MARCHF6: variants seen among roughly 807,000 people sequenced by gnomAD.
MARCHF6 encodes the protein membrane associated ring-CH-type finger 6.
A neutral mutation model predicts 133.7 loss-of-function variants in MARCHF6; 31 were observed. The ratio of observed to expected loss-of-function variants is 0.23; its 90% CI spans 0.17 to 0.31. The LOEUF (loss-of-function observed/expected upper bound fraction) is 0.31. MARCHF6 is among the 10% of genes least tolerant of loss of function. The pLI is 1.00. For missense variants in MARCHF6, 723 were observed against 1,121.6 expected (o/e 0.64, Z 5.08); for synonymous variants, 395 against 402.5 (o/e 0.98, Z 0.22).
At chr5:10,355,831 G>A (rs1035217437) in intron 1 of MARCHF6, among the ~76,000 whole-genome samples, 2 of 152,158 alleles carry the variant, frequency 1.3e-5, no homozygotes, top group Non-Finnish European at 2.9e-5. Flanking sequence ...TGTCAGAGTC[G>A]CACTTAAATT....
intron 4 of MARCHF6, among the ~76,000 whole-genome samples, chr5:10,385,107 T>C (rs1486292328): frequency 6.6e-6 from 1 of 152,230 alleles, no homozygotes; most frequent in African/African-American, 2.4e-5. Context: ...TATGATTGCA[T>C]GTGTGTGAAA....
intron 2 of MARCHF6, 135 bp downstream of exon 2, chr5:10,378,029 A>G (rs1199196160): frequency 2.8e-5 from 16 of 564,828 alleles, no homozygotes. Flanking sequence ...AGCACAGGAA[A>G]CTGAAAAAGC....
rs918318956 is a variant in MARCHF6 at position 10,436,626 on chromosome 5, A to G, written c.*2942A>G. On this transcript the variant is annotated 3_prime_UTR_variant, in exon 26 of 26. Coordinates refer to ENST00000274140, the MANE Select transcript of MARCHF6 (RefSeq NM_005885.4). ...AATCAGCATTTGGTGATAGTTTTACATGACCAGTTATCAAACGGTCATAGT... is the reference window on the plus strand; with the variant it reads ...AATCAGCATTTGGTGATAGTTTTACGTGACCAGTTATCAAACGGTCATAGT... 1 of 152,240 alleles carries G rather than the reference A, an allele frequency of 6.6e-6. No individual in the cohort carries two copies. Among genetic ancestry groups the G allele is most frequent in the Non-Finnish European group, 1.5e-5 (1 of 68,042 alleles). 9.4% of individuals were successfully genotyped at this position (152,240 alleles called of 1,614,324 possible).
chr5:10,364,281 G>A (rs923892516), intron 1 of MARCHF6, among the ~76,000 whole-genome samples: 1 of 152,160 alleles, frequency 6.6e-6, no homozygotes, highest in Non-Finnish European at 1.5e-5. Flanking sequence ...GGAGCAGAAA[G>A]CAACCTTCCG....
Position 10,400,797 on chromosome 5 carries a change from C to T in MARCHF6, c.927C>T (p.Tyr309=), listed in dbSNP as rs1488365096. The change falls in exon 11 of 26, where the codon TAC becomes TAT. Residue 309 remains tyrosine (Y), a synonymous_variant. Transcript: ENST00000274140. ...LFILVFAFCP[Y]HIGHFSLVGL... ...CCCCCTTTTTAGCATTTTGCCCTTA[C>T]CATATTGGTCATTTCTCCCTTGTTG... 3.1e-6 allele frequency: 5 copies of T among 1,612,476 alleles called. No homozygotes were observed. Among genetic ancestry groups the T allele is most frequent in the African/African-American group, 2.7e-5 (2 of 74,822 alleles).
At chr5:10,355,594 T>C (rs901083989) in intron 1 of MARCHF6, among the ~76,000 whole-genome samples, 1 of 152,132 alleles carries the variant, frequency 6.6e-6, no homozygotes, top group African/African-American at 2.4e-5. Flanking sequence ...ATACATAACA[T>C]TTATTTATTG....
intron 4 of MARCHF6, among the ~76,000 whole-genome samples, chr5:10,383,765 G>C (rs1404627360): frequency 3.9e-5 from 6 of 152,194 alleles, no homozygotes; most frequent in Non-Finnish European, 8.8e-5. Flanking sequence ...ATATAGCTAA[G>C]TCTCAATTGT....
chr5:10,366,748 C>G (rs554325179), intron 1 of MARCHF6, among the ~76,000 whole-genome samples: 4 of 152,118 alleles, frequency 2.6e-5, no homozygotes, highest in African/African-American at 9.7e-5. Flanking sequence ...CTTAATTGAT[C>G]ACACGTTCAT....
At chr5:10,382,514 T>C (rs1737212615) in intron 4 of MARCHF6, among the ~76,000 whole-genome samples, 1 of 149,366 alleles carries the variant, frequency 6.7e-6, no homozygotes, top group South Asian at 2.1e-4. Flanking sequence ...CTTTTGGGAT[T>C]CTGCAACCCT....
At chr5:10,416,966 A>G (rs1311429879) in intron 21 of MARCHF6, among the ~76,000 whole-genome samples, 2 of 152,226 alleles carry the variant, frequency 1.3e-5, no homozygotes, top group Middle Eastern at 6.3e-3. Context: ...TTCACAGATC[A>G]GCCTGTGTAT....
In MARCHF6 at chr5:10,433,752, A is replaced by AT. The variant is rs752723806; in HGVS notation, c.*73dup. On this transcript the variant is annotated 3_prime_UTR_variant, in exon 26 of 26. Coordinates refer to ENST00000274140, the MANE Select transcript of MARCHF6 (RefSeq NM_005885.4). Reference sequence around the variant, plus strand: ...TTTTTGTGGACTTCTCTCTTTGGAGATTTTTCCCAGTGATCTCTCAGCGTT... The same window carrying AT: ...TTTTTGTGGACTTCTCTCTTTGGAGATTTTTTCCCAGTGATCTCTCAGCGTT... The AT allele has an allele frequency of 1.5e-5, 20 of 1,315,792 alleles. No homozygotes were observed. The highest frequency in any genetic ancestry group is 2.3e-5 in the East Asian group (1 of 43,324). 81.5% of individuals were successfully genotyped at this position (1,315,792 alleles called of 1,614,324 possible). A position where few individuals can be genotyped will look rare whatever the true frequency, so the allele number is the denominator to read the frequency against.
intron 9 of MARCHF6, among the ~76,000 whole-genome samples, chr5:10,396,249 A>G (rs1738183065): frequency 6.6e-6 from 1 of 152,162 alleles, no homozygotes; most frequent in African/African-American, 2.4e-5. Flanking sequence ...TAAACAAGGA[A>G]TGTTTTGGAG....
At chr5:10,377,678 A>AAT in intron 1 of MARCHF6, 120 bp from the exon 2 acceptor site, 1 of 624,162 alleles carries the variant, frequency 1.6e-6, no homozygotes, top group East Asian at 2.7e-5. Context: ...CCGTACTATT[A>AAT]ATGTTTTGTC....
intron 23 of MARCHF6, among the ~76,000 whole-genome samples, chr5:10,424,738 T>C (rs1739995875): frequency 6.6e-6 from 1 of 152,140 alleles, no homozygotes; most frequent in Non-Finnish European, 1.5e-5. Context: ...AGGTTATTGC[T>C]CGAGGTAATA....
At chr5:10,393,416 C>T (rs1737990703) in intron 7 of MARCHF6, among the ~76,000 whole-genome samples, 1 of 152,050 alleles carries the variant, frequency 6.6e-6, no homozygotes, top group South Asian at 2.1e-4. Context: ...GCTCAGAGTA[C>T]CTGGTATTTG....
chr5:10,428,356 T>TTTA (rs1184691709), intron 24 of MARCHF6, among the ~76,000 whole-genome samples: 1 of 137,550 alleles, frequency 7.3e-6, no homozygotes, highest in Non-Finnish European at 1.6e-5. Flanking sequence ...TTTTTTTTTT[T>TTTA]TGAGAGACGG....
intron 12 of MARCHF6, 95 bp downstream of exon 12, chr5:10,402,234 A>C: frequency 9.0e-7 from 1 of 1,105,006 alleles, no homozygotes; most frequent in South Asian, 1.3e-5. Flanking sequence ...TTGTCCTCTT[A>C]GTAAAAGTTG....
chr5:10,365,108 G>A (rs1177168466), intron 1 of MARCHF6, among the ~76,000 whole-genome samples: 4 of 151,782 alleles, frequency 2.6e-5, no homozygotes, highest in African/African-American at 9.7e-5. Context: ...CAGCCTCCCT[G>A]CTTCTTCTGA....
intron 1 of MARCHF6, among the ~76,000 whole-genome samples, chr5:10,361,996 C>G (rs1287688950): frequency 3.3e-5 from 5 of 152,098 alleles, no homozygotes; most frequent in Non-Finnish European, 4.4e-5. Context: ...CTCCTGACCT[C>G]AGGTGATCCG....
Sources: gnomAD v4.1 joint callset for allele counts (sites outside exome capture counted in the v4.1 genomes callset) on GRCh38, gnomAD v4.1.1 for gene constraint, MANE v1.5 for transcripts, NCBI Gene and HGNC (gene_info 2026-07-23, HGNC 2026-07-21) for gene names.